Variants in TRAF3IP1 observed in about 807,000 individuals in gnomAD.
The protein encoded by TRAF3IP1 is intraflagellar transport 54.
In TRAF3IP1, 53 loss-of-function variants were observed where a neutral mutation model predicts 89.9. The observed-to-expected ratio is 0.59, with a 90% CI of 0.47 to 0.74. The LOEUF (loss-of-function observed/expected upper bound fraction) is 0.74, where lower values mean the gene tolerates loss of function less well. Among genes scored for constraint, TRAF3IP1 ranks in the 30% least tolerant of loss-of-function variants. The pLI, the probability that TRAF3IP1 is intolerant of heterozygous loss-of-function variation, is 0.00. For missense variants in TRAF3IP1, 806 were observed against 866.1 expected, an observed-to-expected ratio of 0.93 and a Z score of 0.87; for synonymous variants, 311 against 322.1, an observed-to-expected ratio of 0.97 and a Z score of 0.37.
rs529869854 is a variant in TRAF3IP1, at chr2:238,351,701, G to A, written c.1452-1126G>A. On this transcript the variant is annotated intron_variant, in intron 12 of 16. Coordinates refer to ENST00000373327, the MANE Select transcript of TRAF3IP1 (RefSeq NM_015650.4). This position sits in a 1 kb window ranked among gnomAD's most constrained non-coding sequence, Gnocchi z 5.2. ...TCCTGGCGGAGCCACACAGGTGGTT[G>A]TTGAGTGTCTCAAGGACCCAGTTGA... 1.2e-4 allele frequency among the ~76,000 whole-genome samples: 19 copies of A among 152,278 alleles called. No individual in the cohort carries two copies. The highest frequency in any genetic ancestry group is 4.6e-4 in the African/African-American group (19 of 41,558).
chr2:238,349,899 C>T (rs1699070983), intron 12 of TRAF3IP1, among the ~76,000 whole-genome samples: 3 of 152,080 alleles, frequency 2.0e-5, no homozygotes, highest in South Asian at 4.1e-4. Context: ...GTGAAACCCC[C>T]GTCTCTACTA....
At chr2:238,395,756 C>T (rs1335145669) in intron 15 of TRAF3IP1, among the ~76,000 whole-genome samples, 3 of 152,102 alleles carry the variant, frequency 2.0e-5, no homozygotes, top group Admixed American at 6.5e-5. Context: ...GACATTTACG[C>T]AGCCAAAAAA....
At chr2:238,324,856 C>T (rs1697741320) in intron 1 of TRAF3IP1, among the ~76,000 whole-genome samples, 1 of 152,164 alleles carries the variant, frequency 6.6e-6, no homozygotes, top group South Asian at 2.1e-4. Context: ...TCCGCCTCAG[C>T]CTCCCAAAGT....
intron 15 of TRAF3IP1, among the ~76,000 whole-genome samples, chr2:238,380,728 C>T (rs1700511462): frequency 6.6e-6 from 1 of 152,134 alleles, no homozygotes; most frequent in South Asian, 2.1e-4. Context: ...AAAGGAAATG[C>T]CTGCATCACA....
chr2:238,361,961 A>G (rs1435867231), intron 15 of TRAF3IP1, among the ~76,000 whole-genome samples: 1 of 152,150 alleles, frequency 6.6e-6, no homozygotes, highest in Non-Finnish European at 1.5e-5. Context: ...ACCCCATTCC[A>G]GGGAGGCCGC....
intron 15 of TRAF3IP1, among the ~76,000 whole-genome samples, chr2:238,390,403 A>T (rs150902422): frequency 6.6e-6 from 1 of 152,298 alleles, no homozygotes; most frequent in African/African-American, 2.4e-5. Flanking sequence ...AAGTGTGTCG[A>T]TGAGGAAGGT....
rs997694430 is a variant in TRAF3IP1 at position 238,399,001 on chromosome 2, C to G, written c.*82C>G. The G allele has an allele frequency of 7.8e-7, 1 of 1,279,814 alleles. No homozygotes were observed. The highest frequency in any genetic ancestry group is 2.4e-5 in the East Asian group (1 of 41,978). The allele number at this position is 1,279,814 out of a possible 1,614,324, so 79.3% of individuals were successfully genotyped here. A position where few individuals can be genotyped will look rare whatever the true frequency, so the allele number is the denominator to read the frequency against. ...TAGAAAATCATTACTCTTTTAAGTT[C>G]CAGTTTGCTAAGAAAATGAACAGTT... On this transcript the variant is annotated 3_prime_UTR_variant, in exon 17 of 17. Coordinates refer to ENST00000373327, the MANE Select transcript of TRAF3IP1 (RefSeq NM_015650.4).
At chr2:238,320,903 G>A in intron 1 of TRAF3IP1, 118 bp downstream of exon 1, 2 of 914,278 alleles carry the variant, frequency 2.2e-6, no homozygotes, top group Non-Finnish European at 1.4e-6. Flanking sequence ...GGTGCGGGTC[G>A]GGGGCCGGGG....
chr2:238,383,818 T>C (rs559520943), intron 15 of TRAF3IP1, among the ~76,000 whole-genome samples: 1 of 152,306 alleles, frequency 6.6e-6, no homozygotes, highest in African/African-American at 2.4e-5. Context: ...GCTAGTTGCA[T>C]TTCTCTTTTT....
chr2:238,340,934 T>C (rs1228869047), intron 8 of TRAF3IP1, among the ~76,000 whole-genome samples: 1 of 152,046 alleles, frequency 6.6e-6, no homozygotes, highest in Non-Finnish European at 1.5e-5. Context: ...CTCAGCTCAC[T>C]GCAACCTCCG....
Position 238,341,163 on chromosome 2 carries a change from G to C in TRAF3IP1, c.1159+2706G>C, listed in dbSNP as rs562015435. On this transcript the variant is annotated intron_variant, in intron 8 of 16. Coordinates refer to ENST00000373327, the MANE Select transcript of TRAF3IP1 (RefSeq NM_015650.4). ...AGCCTCTTGACTAGCTAGGACTACA[G>C]GCATGTGTCACCATGCCTAGCTAAT... Among the ~76,000 whole-genome samples the C allele has an allele frequency of 2.0e-5, 3 of 150,778 alleles. No homozygotes were observed. The South Asian group carries it at 6.3e-4, about 32-fold the overall frequency.
intron 15 of TRAF3IP1, among the ~76,000 whole-genome samples, chr2:238,371,563 T>C (rs1482126108): frequency 1.3e-5 from 2 of 152,238 alleles, no homozygotes; most frequent in Non-Finnish European, 2.9e-5. Context: ...ATTGTTCTTA[T>C]ATTCTTCCAA....
At chr2:238,376,220 T>C (rs2106357781) in intron 15 of TRAF3IP1, among the ~76,000 whole-genome samples, 1 of 152,362 alleles carries the variant, frequency 6.6e-6, no homozygotes, top group South Asian at 2.1e-4. Context: ...AACGTGAATT[T>C]TGTATAACTT....
intron 15 of TRAF3IP1, among the ~76,000 whole-genome samples, chr2:238,360,573 C>T (rs1038399277): frequency 4.6e-5 from 7 of 152,124 alleles, no homozygotes; most frequent in Admixed American, 3.9e-4. Context: ...CTCGTCAGCA[C>T]TAGGTACGGT....
chr2:238,330,611 A>T (rs902788776), intron 5 of TRAF3IP1, among the ~76,000 whole-genome samples: 1 of 152,090 alleles, frequency 6.6e-6, no homozygotes, highest in African/African-American at 2.4e-5. Flanking sequence ...GTCTTGTGGC[A>T]CTGCGTCTCA....
rs374242164 is a variant in TRAF3IP1 at position 238,328,799 on chromosome 2, A to G, written c.468A>G (p.Glu156=). The G allele has an allele frequency of 6.2e-7, 1 of 1,614,182 alleles. No homozygotes were observed. The highest frequency in any genetic ancestry group is 8.5e-7 in the Non-Finnish European group (1 of 1,180,042). The change falls in exon 4 of 17, where the codon GAA becomes GAG. Residue 156 remains glutamate, a synonymous_variant. Coordinates refer to ENST00000373327, the MANE Select transcript of TRAF3IP1 (RefSeq NM_015650.4). ...AATTGGATAATAAGAATGTGCGAGA[A>G]GAAGAGTCCAGAGTTCACAAAAATA... ...SQELDNKNVR[E]EESRVHKNTE...
chr2:238,342,999 G>GAGTGGT (rs1236471680), intron 8 of TRAF3IP1, among the ~76,000 whole-genome samples: 4 of 152,102 alleles, frequency 2.6e-5, no homozygotes, highest in Non-Finnish European at 4.4e-5. Context: ...TTTCTTTTTA[G>GAGTGGT]AGTGGTAGGT....
chr2:238,325,177 C>A (rs1427011031), intron 1 of TRAF3IP1, 129 bp from the exon 2 acceptor site: 9 of 897,692 alleles, frequency 1.0e-5, no homozygotes, highest in Non-Finnish European at 1.6e-5. Flanking sequence ...TCAAATATTT[C>A]TTAAGTGGAT....
At position 238,351,834 on chromosome 2, in the gene TRAF3IP1, G is replaced by GGTGTGTGTGTGTGTGTGTGTGTGT. The variant is rs10527993; in HGVS notation, c.1452-983_1452-960dup. Among the ~76,000 whole-genome samples, 19 of 140,966 alleles carry GGTGTGTGTGTGTGTGTGTGTGTGT rather than the reference G, an allele frequency of 1.3e-4. No homozygotes were observed. The highest frequency in any genetic ancestry group is 5.0e-4 in the African/African-American group (19 of 38,024). 92.5% of individuals were successfully genotyped at this position (140,966 alleles called of 152,430 possible). Reference sequence around the variant, plus strand: ...TGGCACTGAAGCAAGGGAGGATTTTGGTGTGTGTGTGTGTGTGTGTGTGTG... The same window carrying GGTGTGTGTGTGTGTGTGTGTGTGT: ...TGGCACTGAAGCAAGGGAGGATTTTGGTGTGTGTGTGTGTGTGTGTGTGTGTGTGTGTGTGTGTGTGTGTGTGTG... On this transcript the variant is annotated intron_variant, in intron 12 of 16. Coordinates refer to ENST00000373327, the MANE Select transcript of TRAF3IP1 (RefSeq NM_015650.4). This position sits in a 1 kb window ranked among gnomAD's most constrained non-coding sequence, Gnocchi z 5.2.
Sources: allele counts gnomAD v4.1 joint callset (sites outside exome capture counted in the v4.1 genomes callset), GRCh38; gene constraint gnomAD v4.1.1; non-coding constraint Gnocchi (gnomAD v3.1); transcripts MANE v1.5; gene names NCBI Gene and HGNC (gene_info 2026-07-23, HGNC 2026-07-21).